ANKS1B: variants seen among roughly 807,000 people sequenced by gnomAD.
ANKS1B encodes ankyrin repeat and sterile alpha motif domain-containing protein 1B.
ANKS1B carries 36 observed loss-of-function variants against 148.3 expected under a neutral mutation model. The observed-to-expected ratio is 0.24, with a 90% CI of 0.19 to 0.32. The LOEUF is 0.32. ANKS1B is among the 10% of genes least tolerant of loss of function. The pLI, the probability that ANKS1B is intolerant of heterozygous loss-of-function variation, is 1.00. For missense variants in ANKS1B, 1,157 were observed against 1,542.6 expected, an observed-to-expected ratio of 0.75 and a Z score of 4.19; for synonymous variants, 542 against 560.8, an observed-to-expected ratio of 0.97 and a Z score of 0.47.
intron 9 of ANKS1B, among the ~76,000 whole-genome samples, chr12:99,535,380 C>T (rs1359770264): frequency 6.6e-6 from 1 of 152,190 alleles, no homozygotes; most frequent in African/African-American, 2.4e-5. Context: ...CAGCATCACA[C>T]ATGCAGATTA....
chr12:99,382,720 AG>A (rs2093693687), intron 12 of ANKS1B, among the ~76,000 whole-genome samples: 141 of 25,226 alleles, frequency 5.6e-3, no homozygotes, highest in Admixed American at 0.011. Context: ...AAAAAAAAAG[AG>A]AGAGAGAGAG....
intron 19 of ANKS1B, among the ~76,000 whole-genome samples, chr12:98,814,322 A>C (rs564643040): frequency 6.6e-5 from 10 of 152,378 alleles, no homozygotes; most frequent in African/African-American, 1.9e-4. Context: ...CAGAAGGAAC[A>C]CATTTTTACC....
intron 17 of ANKS1B, among the ~76,000 whole-genome samples, chr12:98,970,326 A>G (rs2099882117): frequency 6.6e-6 from 1 of 152,098 alleles, no homozygotes; most frequent in Non-Finnish European, 1.5e-5. Flanking sequence ...GAATGCTGTT[A>G]AATTTGCTAC....
At chr12:98,954,543 A>G (rs1235982115) in intron 17 of ANKS1B, 1 of 152,258 alleles carries the variant, frequency 6.6e-6, no homozygotes, top group African/African-American at 2.4e-5. Flanking sequence ...AAATGACTGT[A>G]GAACAAAATG....
intron 12 of ANKS1B, among the ~76,000 whole-genome samples, chr12:99,309,361 A>G (rs942242933): frequency 6.6e-5 from 10 of 151,962 alleles, no homozygotes; most frequent in South Asian, 4.1e-4. Flanking sequence ...AGTTAATGTT[A>G]TGTTTTTTTC....
At chr12:99,825,055 G>A (rs2083007771) in intron 2 of ANKS1B, among the ~76,000 whole-genome samples, 1 of 152,114 alleles carries the variant, frequency 6.6e-6, no homozygotes, top group African/African-American at 2.4e-5. Context: ...GCATGGTCCT[G>A]TCAATTTTTC....
chr12:99,038,516 A>G (rs1014206223), intron 17 of ANKS1B, among the ~76,000 whole-genome samples: 2 of 152,112 alleles, frequency 1.3e-5, no homozygotes, highest in Non-Finnish European at 2.9e-5. Context: ...TTCCCACAGC[A>G]GCCAAAGTGA....
chr12:99,736,234 C>G (rs919718770), intron 8 of ANKS1B, among the ~76,000 whole-genome samples: 1 of 151,960 alleles, frequency 6.6e-6, no homozygotes, highest in Non-Finnish European at 1.5e-5. Flanking sequence ...CAACATAGTA[C>G]TGGAAGTCCT....
At chr12:99,057,632 C>T (rs1474295287) in intron 16 of ANKS1B, among the ~76,000 whole-genome samples, 3 of 152,194 alleles carry the variant, frequency 2.0e-5, no homozygotes, top group Non-Finnish European at 2.9e-5. Context: ...TAGAATTATG[C>T]CCCTGTGCCC....
At chr12:99,680,159 G>A (rs2098605771) in intron 8 of ANKS1B, among the ~76,000 whole-genome samples, 1 of 152,242 alleles carries the variant, frequency 6.6e-6, no homozygotes, top group Non-Finnish European at 1.5e-5. Flanking sequence ...AGAAGAAGCA[G>A]GCCAGGTATG....
At chr12:98,818,699 G>A (rs2099161596) in intron 19 of ANKS1B, among the ~76,000 whole-genome samples, 1 of 152,098 alleles carries the variant, frequency 6.6e-6, no homozygotes, top group Non-Finnish European at 1.5e-5. Context: ...CCTAGATTTT[G>A]CAAAGTAATG....
chr12:99,626,910 T>C (rs1320189466), intron 9 of ANKS1B, among the ~76,000 whole-genome samples: 2 of 152,184 alleles, frequency 1.3e-5, no homozygotes, highest in South Asian at 2.1e-4. Context: ...ATGTCTTTCA[T>C]CTTTCTATGA....
chr12:99,570,491 C>CA (rs1442496401), intron 9 of ANKS1B, among the ~76,000 whole-genome samples: 1 of 151,824 alleles, frequency 6.6e-6, no homozygotes, highest in Non-Finnish European at 1.5e-5. Context: ...ACTAAAAATA[C>CA]AAAAAATTAG....
chr12:98,946,324 A>G (rs1327787195), intron 17 of ANKS1B, among the ~76,000 whole-genome samples: 2 of 151,748 alleles, frequency 1.3e-5, no homozygotes, highest in East Asian at 3.9e-4. Context: ...CCCTGCACTC[A>G]CCTCTCCAGT....
At chr12:99,371,163 T>G (rs1367153053) in intron 12 of ANKS1B, among the ~76,000 whole-genome samples, 4 of 152,158 alleles carry the variant, frequency 2.6e-5, no homozygotes, top group Non-Finnish European at 5.9e-5. Flanking sequence ...TCACTTTGTA[T>G]GGCATTTAGA....
At chr12:99,833,860 A>T (rs10860531) in intron 1 of ANKS1B, among the ~76,000 whole-genome samples, 1 of 151,884 alleles carries the variant, frequency 6.6e-6, no homozygotes, top group South Asian at 2.1e-4. Context: ...TATAATACAC[A>T]CATTTTTAAT....
In ANKS1B at chr12:98,781,120, A is replaced by G; in HGVS notation, c.3438T>C (p.Asn1146=). The change falls in exon 24 of 27, where the codon AAT becomes AAC. Residue 1146 remains asparagine (N), a synonymous_variant. Coordinates refer to ENST00000683438, the MANE Select transcript of ANKS1B (RefSeq NM_001352186.2). ...CAGAGAGAGGAGTGGTACTTACCTT[A>G]TTTGTTGCATCAATAAATTTGACTC... is the stretch of plus-strand genomic sequence containing the variant. ...YKGVKFIDAT[N]KNIIAEHEIR... is the part of the protein sequence containing the mutation. 2 of 1,556,202 alleles carry G rather than the reference A, an allele frequency of 1.3e-6. No homozygotes were observed. The highest frequency in any genetic ancestry group is 1.7e-6 in the Non-Finnish European group (2 of 1,143,338).
intron 1 of ANKS1B, among the ~76,000 whole-genome samples, chr12:99,902,702 A>G (rs1363594147): frequency 6.6e-6 from 1 of 151,938 alleles, no homozygotes; most frequent in African/African-American, 2.4e-5. Context: ...AGGGTTCAAG[A>G]ATTATTACAT....
At chr12:99,745,336 T>C (rs1024197883) in intron 8 of ANKS1B, among the ~76,000 whole-genome samples, 4 of 152,106 alleles carry the variant, frequency 2.6e-5, no homozygotes, top group African/African-American at 9.7e-5. Context: ...ACAGTAAACA[T>C]TGGGCAAATT....
Sources: gnomAD v4.1 joint callset for allele counts (sites outside exome capture counted in the v4.1 genomes callset) on GRCh38, gnomAD v4.1.1 for gene constraint, MANE v1.5 for transcripts, NCBI Gene and HGNC (gene_info 2026-07-23, HGNC 2026-07-21) for gene names.